NAALADL2: variants seen among roughly 807,000 people sequenced by gnomAD.
NAALADL2 encodes inactive N-acetylated-alpha-linked acidic dipeptidase-like protein 2.
A neutral mutation model predicts 87.2 loss-of-function variants in NAALADL2; 76 were observed. The observed-to-expected ratio is 0.87, with a 90% CI of 0.72 to 1.05. The LOEUF (loss-of-function observed/expected upper bound fraction) is 1.05, where lower values mean the gene tolerates loss of function less well. Ranked by LOEUF, NAALADL2 falls within the 50% of genes least tolerant of loss-of-function variation. NAALADL2 has a pLI of 0.00. For synonymous variants in NAALADL2, 354 were observed against 331.0 expected, an observed-to-expected ratio of 1.07 and a Z score of -0.75; for missense variants, 1,089 against 945.8, an observed-to-expected ratio of 1.15 and a Z score of -1.99.
At chr3:175,778,006 CTG>C (rs1750498564) in intron 13 of NAALADL2, among the ~76,000 whole-genome samples, 1 of 152,180 alleles carries the variant, frequency 6.6e-6, no homozygotes, top group Non-Finnish European at 1.5e-5. Flanking sequence ...GTCTGTGTGT[CTG>C]TGTGTATACC....
At chr3:175,341,085 G>A (rs1469366533) in intron 5 of NAALADL2, among the ~76,000 whole-genome samples, 5 of 151,504 alleles carry the variant, frequency 3.3e-5, no homozygotes, top group African/African-American at 1.2e-4. Flanking sequence ...ACAGAGTTCT[G>A]CAAAAATCAT....
chr3:175,604,443 A>G (rs566057237), intron 10 of NAALADL2, among the ~76,000 whole-genome samples: 38 of 151,442 alleles, frequency 2.5e-4, no homozygotes, highest in Non-Finnish European at 4.7e-4. Flanking sequence ...AGCTGGGACT[A>G]CAGGCACCCA....
chr3:174,978,551 A>G (rs764233047), intron 1 of NAALADL2, among the ~76,000 whole-genome samples: 1 of 152,228 alleles, frequency 6.6e-6, no homozygotes, highest in Non-Finnish European at 1.5e-5. Flanking sequence ...GTACTTGGCA[A>G]TGGACAGGAG....
chr3:174,995,181 G>T (rs1034981049), intron 1 of NAALADL2, among the ~76,000 whole-genome samples: 11 of 151,758 alleles, frequency 7.2e-5, no homozygotes, highest in African/African-American at 2.7e-4. Context: ...TATATAATTT[G>T]GTTTTTAAAT....
At chr3:175,795,005 G>C (rs113724102) in intron 13 of NAALADL2, among the ~76,000 whole-genome samples, 110 of 152,240 alleles carry the variant, frequency 7.2e-4, no homozygotes, top group African/African-American at 2.6e-3. Flanking sequence ...ATGGTAGAGC[G>C]AGGAAGCTCT....
chr3:175,394,118 A>G (rs986588521), intron 5 of NAALADL2, among the ~76,000 whole-genome samples: 16 of 152,208 alleles, frequency 1.1e-4, no homozygotes, highest in African/African-American at 3.9e-4. Context: ...CCTGAGGAAA[A>G]AGAAAATCCT....
At chr3:175,413,895 A>G (rs1714092469) in intron 5 of NAALADL2, among the ~76,000 whole-genome samples, 1 of 152,206 alleles carries the variant, frequency 6.6e-6, no homozygotes, top group Non-Finnish European at 1.5e-5. Context: ...TGAATTCTGG[A>G]GTATACTATT....
chr3:175,111,280 C>A (rs1487725266), intron 2 of NAALADL2, among the ~76,000 whole-genome samples: 3 of 151,718 alleles, frequency 2.0e-5, no homozygotes, highest in Non-Finnish European at 4.4e-5. Flanking sequence ...AGCAGAAAAT[C>A]AAACACACTT....
intron 5 of NAALADL2, among the ~76,000 whole-genome samples, chr3:175,337,430 A>G (rs80240949): frequency 0.01 from 1,554 of 152,296 alleles, 28 homozygotes; most frequent in African/African-American, 0.035. Context: ...TTAAAAGCCA[A>G]TGAAGTTGAA....
intron 2 of NAALADL2, among the ~76,000 whole-genome samples, chr3:174,728,635 A>T (rs1027275068): frequency 1.4e-4 from 22 of 151,980 alleles, no homozygotes; most frequent in African/African-American, 5.3e-4. Flanking sequence ...ACCCCATAAA[A>T]TATGATTTAT....
chr3:174,754,031 A>G (rs1228300004), intron 3 of NAALADL2, among the ~76,000 whole-genome samples: 1 of 152,124 alleles, frequency 6.6e-6, no homozygotes, highest in Non-Finnish European at 1.5e-5. Context: ...TATCCTCCCA[A>G]ACTGTGGGAA....
intron 2 of NAALADL2, among the ~76,000 whole-genome samples, chr3:175,181,755 G>GTGTGTATGTA (rs1736573427): frequency 1.3e-5 from 1 of 79,466 alleles, no homozygotes; most frequent in Admixed American, 1.5e-4. Context: ...GTATATATAT[G>GTGTGTATGTA]TGTGTATATA....
intron 3 of NAALADL2, among the ~76,000 whole-genome samples, chr3:174,831,997 CT>C (rs1169233313): frequency 1.3e-5 from 2 of 151,912 alleles, no homozygotes; most frequent in Non-Finnish European, 2.9e-5. Flanking sequence ...ATTCTTCTCT[CT>C]TTTTTTCTTT....
chr3:175,258,909 C>T (rs1035627751), intron 4 of NAALADL2, among the ~76,000 whole-genome samples: 3 of 152,138 alleles, frequency 2.0e-5, no homozygotes, highest in East Asian at 1.9e-4. Flanking sequence ...AATATGCATG[C>T]GTTTCCCATG....
chr3:175,761,234 C>G (rs1312263741), intron 13 of NAALADL2, among the ~76,000 whole-genome samples: 1 of 152,218 alleles, frequency 6.6e-6, no homozygotes, highest in Non-Finnish European at 1.5e-5. Flanking sequence ...TACTAAACCT[C>G]TGGCAACCAC....
intron 2 of NAALADL2, among the ~76,000 whole-genome samples, chr3:175,169,059 G>T (rs1734403880): frequency 6.6e-6 from 1 of 151,660 alleles, no homozygotes; most frequent in African/African-American, 2.4e-5. Context: ...CAAGTAAATT[G>T]AATGTGTAGG....
chr3:175,782,417 A>G (rs1163147928), intron 13 of NAALADL2, among the ~76,000 whole-genome samples: 15 of 76,244 alleles, frequency 2.0e-4, no homozygotes, highest in East Asian at 8.1e-4. Context: ...GTGAGATGGT[A>G]TCTCATTGTG....
At chr3:175,674,072 C>A (rs1404319029) in intron 11 of NAALADL2, among the ~76,000 whole-genome samples, 2 of 151,812 alleles carry the variant, frequency 1.3e-5, no homozygotes, top group Non-Finnish European at 2.9e-5. Context: ...TGCTGTGTTC[C>A]AATTTGATAG....
chr3:175,197,019 G>T (rs1221500349), intron 2 of NAALADL2, among the ~76,000 whole-genome samples: 1 of 151,892 alleles, frequency 6.6e-6, no homozygotes, highest in African/African-American at 2.4e-5. Context: ...AACATAAGGG[G>T]TCATTTTTTT....
Sources: gnomAD v4.1 joint callset for allele counts (sites outside exome capture counted in the v4.1 genomes callset) on GRCh38, gnomAD v4.1.1 for gene constraint, MANE v1.5 for transcripts, NCBI Gene and HGNC (gene_info 2026-07-23, HGNC 2026-07-21) for gene names.